Variants in APLP2 observed in about 807,000 individuals in gnomAD.
The protein encoded by APLP2 is amyloid beta precursor like protein 2.
APLP2 carries 53 observed loss-of-function variants against 89.9 expected under a neutral mutation model. The observed-to-expected ratio is 0.59, with a 90% CI of 0.47 to 0.74. The LOEUF (loss-of-function observed/expected upper bound fraction) is 0.74, where lower values mean the gene tolerates loss of function less well. Among genes scored for constraint, APLP2 ranks in the 30% least tolerant of loss-of-function variants. The probability of loss-of-function intolerance (pLI) is 0.00; values close to 1 mark genes in which losing one functional copy is unlikely to be tolerated. For synonymous variants in APLP2, 372 were observed against 348.6 expected (o/e 1.07, Z -0.75); for missense variants, 973 against 975.9 (o/e 1.00, Z 0.04).
intron 1 of APLP2, among the ~76,000 whole-genome samples, chr11:130,099,016 T>C (rs923104724): frequency 1.3e-5 from 2 of 152,176 alleles, no homozygotes; most frequent in African/African-American, 2.4e-5. Context: ...CCACCCCTGC[T>C]CTGCACGTAC....
intron 7 of APLP2, among the ~76,000 whole-genome samples, chr11:130,124,046 G>C (rs907928658): frequency 1.3e-5 from 2 of 152,216 alleles, no homozygotes; most frequent in Non-Finnish European, 2.9e-5. Flanking sequence ...ATAGCGGGCA[G>C]CACAGCCAGG....
At chr11:130,138,605 T>TG (rs1951930528) in intron 13 of APLP2, among the ~76,000 whole-genome samples, 1 of 136,688 alleles carries the variant, frequency 7.3e-6, no homozygotes, top group Non-Finnish European at 1.6e-5. Context: ...TTTTTTTTTT[T>TG]GAGATGGGGT....
chr11:130,091,033 G>T, intron 1 of APLP2, among the ~76,000 whole-genome samples: 1 of 149,112 alleles, frequency 6.7e-6, no homozygotes, highest in Non-Finnish European at 1.5e-5. Context: ...CGGCTGGCCG[G>T]GCGGGGGGCC....
At chr11:130,133,442 T>C (rs1207658519) in intron 11 of APLP2, among the ~76,000 whole-genome samples, 187 bp from the exon 12 acceptor site, 2 of 152,214 alleles carry the variant, frequency 1.3e-5, no homozygotes, top group East Asian at 1.9e-4. Context: ...TCTTATACTT[T>C]AGCAGTCAGT....
chr11:130,077,671 A>G (rs1942375134), intron 1 of APLP2, among the ~76,000 whole-genome samples: 1 of 152,148 alleles, frequency 6.6e-6, no homozygotes, highest in Admixed American at 6.5e-5. Context: ...TAAAAGCCTC[A>G]TTTGAACTTT....
In APLP2 at chr11:130,135,875, G is replaced by A. The variant is rs78353466; in HGVS notation, c.1837+160G>A. 7.0e-3 allele frequency among the ~76,000 whole-genome samples: 1,066 copies of A among 152,284 alleles called. 6 individuals carry two copies. The highest frequency in any genetic ancestry group is 0.021 in the South Asian group (100 of 4,826). On this transcript the variant is annotated intron_variant, in intron 13 of 16. Transcript: ENST00000338167. Reference sequence around the variant, plus strand: ...TCATTGAGCGCCTACTGTGTGCAAGGACCCTGCTAGATGCTTTCAAATCAT... The same window carrying A: ...TCATTGAGCGCCTACTGTGTGCAAGAACCCTGCTAGATGCTTTCAAATCAT...
rs765031023 is a variant in APLP2, at chr11:130,110,690, G to A, written c.403+29G>A. The A allele has an allele frequency of 2.5e-6, 4 of 1,586,348 alleles. No individual in the cohort carries two copies. The Admixed American group carries it at 5.8e-5, about 23-fold the overall frequency. ...AGTGTTCTTGGTTACTTTTCAGGAA[G>A]TGCCAGCCCCCTCCCATTTTAAATT... On this transcript the variant is annotated intron_variant, in intron 3 of 16. Coordinates refer to ENST00000338167, the MANE Select transcript of APLP2 (RefSeq NM_001142276.2).
chr11:130,142,449 C>G (rs1952537128), intron 16 of APLP2, among the ~76,000 whole-genome samples: 1 of 151,864 alleles, frequency 6.6e-6, no homozygotes, highest in South Asian at 2.1e-4. Context: ...TGTTTCTGTT[C>G]TGTCTTCTGC....
intron 13 of APLP2, chr11:130,137,183 A>G: frequency 7.4e-7 from 1 of 1,345,802 alleles, no homozygotes; most frequent in Non-Finnish European, 1.1e-6. Flanking sequence ...GAAATTTTAA[A>G]AGAAGCCATT....
At chr11:130,091,490 A>G (rs1402714030) in intron 1 of APLP2, among the ~76,000 whole-genome samples, 401 of 74,948 alleles carry the variant, frequency 5.4e-3, no homozygotes, top group Middle Eastern at 0.023. Flanking sequence ...GGCCGGGCGG[A>G]GGGCTGACCC....
chr11:130,078,490 CT>C (rs903019841), intron 1 of APLP2, among the ~76,000 whole-genome samples: 4 of 151,884 alleles, frequency 2.6e-5, no homozygotes, highest in Non-Finnish European at 5.9e-5. Context: ...TTTTCTTTTT[CT>C]TTTTTTGTTA....
At chr11:130,083,940 C>T (rs1421304236) in intron 1 of APLP2, among the ~76,000 whole-genome samples, 1 of 152,040 alleles carries the variant, frequency 6.6e-6, no homozygotes, top group Admixed American at 6.5e-5. Flanking sequence ...TTTTCACCAG[C>T]GGCATACAGG....
rs145337431 is a variant in APLP2, at chr11:130,073,889, G to A, written c.105+3807G>A. The stretch of plus-strand genomic sequence containing the variant: ...TAATCTTATAAAAAATGCAAAAATT[G>A]TACAATTTTCTTACCCTTTACTCAG... On this transcript the variant is annotated intron_variant, in intron 1 of 16. Transcript: ENST00000338167. Among the ~76,000 whole-genome samples, 851 of 152,194 alleles carry A rather than the reference G, an allele frequency of 5.6e-3. 5 individuals are homozygous for A. The highest frequency in any genetic ancestry group is 0.02 in the African/African-American group (816 of 41,530).
intron 1 of APLP2, among the ~76,000 whole-genome samples, chr11:130,083,307 T>C (rs1461246962): frequency 1.3e-5 from 2 of 152,142 alleles, no homozygotes; most frequent in Non-Finnish European, 1.5e-5. Context: ...AGTGCTGTGA[T>C]TGCAGGTGTG....
At chr11:130,128,904 T>C (rs1950640133) in intron 9 of APLP2, 144 bp from the exon 10 acceptor site, 1 of 826,216 alleles carries the variant, frequency 1.2e-6, no homozygotes, top group African/African-American at 1.7e-5. Context: ...GAAGTAGACT[T>C]TGGATCTTAC....
chr11:130,126,030 C>T (rs558393325), intron 7 of APLP2, among the ~76,000 whole-genome samples: 120 of 152,312 alleles, frequency 7.9e-4, no homozygotes, highest in African/African-American at 2.8e-3. Flanking sequence ...GCCCTATCTT[C>T]ATATCGGTGA....
chr11:130,135,866 G>C, intron 13 of APLP2, 151 bp downstream of exon 13: 1 of 911,980 alleles, frequency 1.1e-6, no homozygotes. Context: ...AGCGCCTACT[G>C]TGTGCAAGGA....
chr11:130,091,031 C>T (rs867323844), intron 1 of APLP2, among the ~76,000 whole-genome samples: 571 of 122,728 alleles, frequency 4.7e-3, no homozygotes, highest in African/African-American at 0.022. Context: ...GGCGGCTGGC[C>T]GGGCGGGGGG....
intron 1 of APLP2, among the ~76,000 whole-genome samples, chr11:130,079,419 G>A (rs1406183852): frequency 6.6e-6 from 1 of 152,072 alleles, no homozygotes; most frequent in East Asian, 1.9e-4. Flanking sequence ...GTTTTATTTA[G>A]GCCCTCTATA....
Sources: allele counts gnomAD v4.1 joint callset (sites outside exome capture counted in the v4.1 genomes callset), GRCh38; gene constraint gnomAD v4.1.1; transcripts MANE v1.5; gene names NCBI Gene and HGNC (gene_info 2026-07-23, HGNC 2026-07-21).